The following OR2T35 variants were observed in gnomAD, a reference collection of about 807,000 sequenced individuals.
OR2T35 encodes the protein olfactory receptor 2T35.
For missense variants in OR2T35, 47 were observed against 278.8 expected (o/e 0.17, Z 5.92); for synonymous variants, 18 against 110.2 (o/e 0.16, Z 5.24).
intron 1 of OR2T35, among the ~76,000 whole-genome samples, chr1:248,644,686 T>G (rs1660833511): frequency 7.5e-6 from 1 of 133,236 alleles, no homozygotes; most frequent in Admixed American, 7.3e-5. Context: ...TGAAATAAGG[T>G]ACTTATGAAA....
intron 1 of OR2T35, among the ~76,000 whole-genome samples, chr1:248,641,960 C>A (rs1441735107): frequency 1.5e-3 from 104 of 67,808 alleles, no homozygotes; most frequent in African/African-American, 3.3e-3. Context: ...ATTCCATAGG[C>A]TACTGGGCAT....
rs1482446881 is a variant in OR2T35, at chr1:248,636,910, CAT to C, written c.*1375_*1376del. ...AGGTCCGTCAATATTTTTTATGTCTCATATTTCAGGACCTTACACACAGGAGA... is the reference window on the plus strand; with the variant it reads ...AGGTCCGTCAATATTTTTTATGTCTCATTTCAGGACCTTACACACAGGAGA... On this transcript the variant is annotated 3_prime_UTR_variant, in exon 2 of 2. Transcript: ENST00000641268. The C allele has an allele frequency of 3.6e-5, 1 of 27,912 alleles. No homozygotes were observed. Among genetic ancestry groups the C allele is most frequent in the Admixed American group, 6.1e-4 (1 of 1,650 alleles). The allele number at this position is 27,912 out of a possible 1,614,324, so 1.7% of individuals were successfully genotyped here.
rs1474142088 is a variant in OR2T35 at position 248,639,408 on chromosome 1, T to C, written c.-22-128A>G. ...CCTACTTCAGGATCATTTGAAATCC[T>C]GGGTTTCAGTATTAATGATCTGTAT... On this transcript the variant is annotated intron_variant, in intron 1 of 1. Transcript: ENST00000641268. 7.7e-5 allele frequency: 49 copies of C among 632,592 alleles called. No homozygotes were observed. In the Admixed American group the frequency reaches 1.3e-3, roughly 17 times the overall value. 39.2% of individuals were successfully genotyped at this position (632,592 alleles called of 1,614,324 possible). A position where few individuals can be genotyped will look rare whatever the true frequency, so the allele number is the denominator to read the frequency against.
chr1:248,641,535 G>A (rs1660782492), intron 1 of OR2T35, among the ~76,000 whole-genome samples: 1 of 71,458 alleles, frequency 1.4e-5, no homozygotes, highest in East Asian at 3.6e-4. Context: ...CAAAGAGGAG[G>A]TAAAACACTA....
intron 1 of OR2T35, among the ~76,000 whole-genome samples, chr1:248,643,127 AT>A (rs1660810113): frequency 8.7e-6 from 1 of 114,502 alleles, no homozygotes; most frequent in Non-Finnish European, 1.9e-5. Context: ...TTAGCCACAA[AT>A]AACAGCTAAT....
intron 1 of OR2T35, among the ~76,000 whole-genome samples, chr1:248,642,229 A>AG (rs1159810939): frequency 4.6e-4 from 29 of 63,058 alleles, no homozygotes; most frequent in African/African-American, 8.3e-4. Context: ...AAAAAAAAAA[A>AG]AAAAAAGAAA....
At position 248,638,005 on chromosome 1, in the gene OR2T35, T is replaced by C. The variant is rs1405737834; in HGVS notation, c.*282A>G. On this transcript the variant is annotated 3_prime_UTR_variant, in exon 2 of 2. Coordinates refer to ENST00000641268, the MANE Select transcript of OR2T35 (RefSeq NM_001001827.2). ...GTTTGTGAATCCAGTTGAACAAAGT[T>C]GACTAATGCGGAGATGCTCACCAAC... 1.9e-4 allele frequency: 23 copies of C among 122,172 alleles called. No homozygotes were observed. Among genetic ancestry groups the C allele is most frequent in the African/African-American group, 1.4e-3 (22 of 15,414 alleles). The allele number at this position is 122,172 out of a possible 1,614,324, so 7.6% of individuals were successfully genotyped here.
rs1279992719 is a variant in OR2T35, at chr1:248,640,391, C to CA, written c.-22-1112dup. 5.0e-5 allele frequency among the ~76,000 whole-genome samples: 3 copies of CA among 59,562 alleles called. 1 individual carries two copies. The highest frequency in any genetic ancestry group is 9.0e-5 in the African/African-American group (3 of 33,208). The allele number at this position is 59,562 out of a possible 152,430, so 39.1% of individuals were successfully genotyped here. Reference sequence around the variant, plus strand: ...CAGCCTGGCCAACATGGTGAAACCTCATCTCTACTAAAAATACAAAGATTA... The same window carrying CA: ...CAGCCTGGCCAACATGGTGAAACCTCAATCTCTACTAAAAATACAAAGATTA... On this transcript the variant is annotated intron_variant, in intron 1 of 1. Transcript: ENST00000641268.
Position 248,642,216 on chromosome 1 carries a change from CAAAAAAA to C in OR2T35, c.-22-2943_-22-2937del, listed in dbSNP as rs61189391. Among the ~76,000 whole-genome samples, 478 of 53,648 alleles carry C rather than the reference CAAAAAAA, an allele frequency of 8.9e-3. 18 individuals carry two copies. The highest frequency in any genetic ancestry group is 0.018 in the African/African-American group (451 of 24,838). 35.2% of individuals were successfully genotyped at this position (53,648 alleles called of 152,430 possible). A position where few individuals can be genotyped will look rare whatever the true frequency, so the allele number is the denominator to read the frequency against. On this transcript the variant is annotated intron_variant, in intron 1 of 1. Coordinates refer to ENST00000641268, the MANE Select transcript of OR2T35 (RefSeq NM_001001827.2). Reference sequence around the variant, plus strand: ...GTTCCCCTTCATCAACTAGTCTTTCCAAAAAAAAAAAAAAAAAAAGAAAAAGAAAAAG... The same window carrying C: ...GTTCCCCTTCATCAACTAGTCTTTCCAAAAAAAAAAAAGAAAAAGAAAAAG...
Position 248,638,481 on chromosome 1 carries a change from C to T in OR2T35, c.778G>A (p.Val260Met), listed in dbSNP as rs1428801331. 16 of 1,284,202 alleles carry T rather than the reference C, an allele frequency of 1.2e-5. No individual in the cohort carries two copies. Among genetic ancestry groups the T allele is most frequent in the African/African-American group, 5.1e-5 (3 of 58,690 alleles). The allele number at this position is 1,284,202 out of a possible 1,614,324, so 79.6% of individuals were successfully genotyped here. A position where few individuals can be genotyped will look rare whatever the true frequency, so the allele number is the denominator to read the frequency against. Residue 260 changes from valine to methionine, a missense_variant, in exon 2 of 2, where the codon GTG becomes ATG. Val to Met is a conservative substitution (Grantham distance 21). Transcript: ENST00000641268. The stretch of plus-strand genomic sequence containing the variant: ...GGAGTGTGGTAGGAGTGGGGCAGCA[C>T]GTTGGTGTAGAAGGCTGCCCCGTAG... ...VFYGAAFYTNVLPHSYHTPEK... is the reference protein window; with the variant it reads ...VFYGAAFYTNMLPHSYHTPEK...
rs566823471 is a variant in OR2T35 at position 248,642,340 on chromosome 1, CCT to C, written c.-23+2905_-23+2906del. Reference sequence around the variant, plus strand: ...GCAGATTAGAACATAACCCAGAACCCCTGACCCCCAGGACCAGTTATAACATC... The same window carrying C: ...GCAGATTAGAACATAACCCAGAACCCGACCCCCAGGACCAGTTATAACATC... On this transcript the variant is annotated intron_variant, in intron 1 of 1. Transcript: ENST00000641268. Among the ~76,000 whole-genome samples, 61 of 142,236 alleles carry C rather than the reference CCT, an allele frequency of 4.3e-4. 1 individual carries two copies. The South Asian group carries it at 7.5e-3, about 17-fold the overall frequency. 93.3% of individuals were successfully genotyped at this position (142,236 alleles called of 152,430 possible). A position where few individuals can be genotyped will look rare whatever the true frequency, so the allele number is the denominator to read the frequency against.
Position 248,638,221 on chromosome 1 carries a change from T to C in OR2T35, c.*66A>G. On this transcript the variant is annotated 3_prime_UTR_variant, in exon 2 of 2. Coordinates refer to ENST00000641268, the MANE Select transcript of OR2T35 (RefSeq NM_001001827.2). ...CTTCCTGATCAGTCACCACCCCTGA[T>C]GCTCTGGGAGTCCCCGCTAATCCTT... is the stretch of plus-strand genomic sequence containing the variant. 2 of 954,304 alleles carry C rather than the reference T, an allele frequency of 2.1e-6. No individual in the cohort carries two copies. The highest frequency in any genetic ancestry group is 1.3e-5 in the South Asian group (1 of 74,418). 59.1% of individuals were successfully genotyped at this position (954,304 alleles called of 1,614,324 possible).
chr1:248,644,626 T>C (rs1388225582), intron 1 of OR2T35, among the ~76,000 whole-genome samples: 1 of 144,248 alleles, frequency 6.9e-6, no homozygotes, highest in Admixed American at 6.9e-5. Context: ...GAACTCAGCG[T>C]CGAGAAATAA....
At chr1:248,642,238 A>C (rs1287905832) in intron 1 of OR2T35, among the ~76,000 whole-genome samples, 2 of 99,906 alleles carry the variant, frequency 2.0e-5, no homozygotes, top group African/African-American at 5.3e-5. Context: ...AAAAAAAAGA[A>C]AAAGAAAAAG....
chr1:248,645,220 A>G (rs1303629502), intron 1 of OR2T35, 27 bp downstream of exon 1: 1 of 125,646 alleles, frequency 8.0e-6, no homozygotes, highest in East Asian at 2.6e-4. Flanking sequence ...TGATGAATAC[A>G]GGTTTTAATG....
intron 1 of OR2T35, among the ~76,000 whole-genome samples, chr1:248,644,126 ATT>A (rs1660823765): frequency 5.2e-5 from 2 of 38,182 alleles, no homozygotes; most frequent in African/African-American, 1.1e-4. Flanking sequence ...GCAATTTAAA[ATT>A]TGAGATTTTT....
intron 1 of OR2T35, among the ~76,000 whole-genome samples, chr1:248,644,863 C>T (rs932178547): frequency 7.2e-6 from 1 of 139,102 alleles, no homozygotes; most frequent in African/African-American, 2.7e-5. Flanking sequence ...TTGGACCTTG[C>T]TTCCTACATT....
intron 1 of OR2T35, among the ~76,000 whole-genome samples, chr1:248,642,230 A>AAAAAAG (rs1426584761): frequency 2.1e-4 from 11 of 52,690 alleles, no homozygotes; most frequent in East Asian, 1.2e-3. Context: ...AAAAAAAAAA[A>AAAAAAG]AAAAAGAAAA....
chr1:248,642,387 T>TC (rs1660799121), intron 1 of OR2T35, among the ~76,000 whole-genome samples: 1 of 135,470 alleles, frequency 7.4e-6, no homozygotes, highest in African/African-American at 2.5e-5. Flanking sequence ...TGCAACATAA[T>TC]CATCTGGCAG....
Sources: allele counts gnomAD v4.1 joint callset (sites outside exome capture counted in the v4.1 genomes callset), GRCh38; gene constraint gnomAD v4.1.1; transcripts MANE v1.5; gene names NCBI Gene and HGNC (gene_info 2026-07-23, HGNC 2026-07-21).